The following PCDHA8 variants were observed in gnomAD, a reference collection of about 807,000 sequenced individuals.
PCDHA8 encodes the protein protocadherin alpha 8, also known as protocadherin alpha-8.
A neutral mutation model predicts 61.8 loss-of-function variants in PCDHA8; 53 were observed. The ratio of observed to expected loss-of-function variants is 0.86; its 90% CI spans 0.69 to 1.08. The LOEUF is 1.08. PCDHA8 is among the 50% of genes least tolerant of loss of function. The pLI is 0.00. For synonymous variants in PCDHA8, 618 were observed against 556.6 expected, an observed-to-expected ratio of 1.11 and a Z score of -1.55; for missense variants, 1,293 against 1,245.0, an observed-to-expected ratio of 1.04 and a Z score of -0.58.
chr5:140,883,457 C>A lies in PCDHA8; in HGVS notation c.2394+39742C>A, dbSNP rs142331981. 13 of 1,614,078 alleles carry A rather than the reference C, an allele frequency of 8.1e-6. No individual in the cohort carries two copies. Among genetic ancestry groups the A allele is most frequent in the Non-Finnish European group, 1.1e-5 (13 of 1,180,050 alleles). On this transcript the variant is annotated intron_variant, in intron 1 of 3. Transcript: ENST00000531613. ...CTTGACGCCGCATGTCCCCTTCAAG[C>A]TGGTGTCCACCTACAAGAACTACTA...
At chr5:140,856,326 A>G in intron 1 of PCDHA8, 1 of 1,598,548 alleles carries the variant, frequency 6.3e-7, no homozygotes, top group Non-Finnish European at 8.6e-7. Context: ...GACCGCGAGG[A>G]GCTGTGCGGG....
intron 1 of PCDHA8, among the ~76,000 whole-genome samples, chr5:140,900,358 A>C (rs2067968295): frequency 6.6e-6 from 1 of 151,358 alleles, no homozygotes. Flanking sequence ...GCTCACCGCA[A>C]CCTCTGCCTC....
chr5:140,948,385 T>A (rs909867343), intron 1 of PCDHA8, among the ~76,000 whole-genome samples: 4 of 151,622 alleles, frequency 2.6e-5, no homozygotes, highest in Admixed American at 2.6e-4. Flanking sequence ...TTCCTCTATT[T>A]TCTGAAAGGT....
intron 1 of PCDHA8, among the ~76,000 whole-genome samples, chr5:140,875,128 C>A (rs1554167491): frequency 6.6e-6 from 1 of 152,068 alleles, no homozygotes; most frequent in East Asian, 1.9e-4. Context: ...ATTAACTAAA[C>A]CCGCATTTAT....
chr5:140,875,206 A>G (rs1554167551), intron 1 of PCDHA8: 2 of 644,508 alleles, frequency 3.1e-6, no homozygotes, highest in South Asian at 3.9e-5. Context: ...AAGTGGCTAA[A>G]CCGAAAAGAA....
At chr5:140,883,957 G>T (rs879988838) in intron 1 of PCDHA8, 1 of 1,613,246 alleles carries the variant, frequency 6.2e-7, no homozygotes, top group Non-Finnish European at 8.5e-7. Context: ...ACAACGCTCC[G>T]GCGCTGCTGA....
intron 1 of PCDHA8, among the ~76,000 whole-genome samples, chr5:140,899,769 T>C (rs376898324): frequency 4.6e-4 from 70 of 152,316 alleles, no homozygotes; most frequent in African/African-American, 1.7e-3. Flanking sequence ...CAGTTCCTCC[T>C]TTTACCTCTG....
chr5:140,875,410 A>G (rs1459624657), intron 1 of PCDHA8: 3 of 1,502,000 alleles, frequency 2.0e-6, no homozygotes, highest in African/African-American at 1.4e-5. Flanking sequence ...TGCTCATAAA[A>G]TACCTCAGGC....
At position 140,901,836 on chromosome 5, in the gene PCDHA8, G is replaced by A. The variant is rs183480993; in HGVS notation, c.2394+58121G>A. On this transcript the variant is annotated intron_variant, in intron 1 of 3. Coordinates refer to ENST00000531613, the MANE Select transcript of PCDHA8 (RefSeq NM_018911.3). The stretch of plus-strand genomic sequence containing the variant: ...ATTGATTCTTCCAGTCCATAAACAT[G>A]CAATATCTTTCCATTTTTTTGTGTC... 2.6e-3 allele frequency among the ~76,000 whole-genome samples: 395 copies of A among 152,228 alleles called. 2 individuals carry two copies. The highest frequency in any genetic ancestry group is 9.2e-3 in the African/African-American group (384 of 41,554).
intron 1 of PCDHA8, among the ~76,000 whole-genome samples, chr5:140,934,289 T>C (rs1584800076): frequency 6.6e-6 from 1 of 152,138 alleles, no homozygotes; most frequent in East Asian, 1.9e-4. Flanking sequence ...AGGGCATTCT[T>C]ACTGGTATTT....
intron 1 of PCDHA8, among the ~76,000 whole-genome samples, chr5:140,940,583 G>A (rs1294741133): frequency 6.6e-6 from 1 of 151,990 alleles, no homozygotes; most frequent in East Asian, 1.9e-4. Flanking sequence ...AAAGTGTTGG[G>A]ATTTCAGGCA....
At chr5:140,906,961 T>C (rs143429690) in intron 1 of PCDHA8, among the ~76,000 whole-genome samples, 1 of 152,268 alleles carries the variant, frequency 6.6e-6, no homozygotes, top group African/African-American at 2.4e-5. Flanking sequence ...TTTAATGGAA[T>C]CGTGGTTGTG....
At chr5:140,927,627 T>A (rs145171269) in intron 1 of PCDHA8, 5 of 1,614,062 alleles carry the variant, frequency 3.1e-6, no homozygotes, top group Non-Finnish European at 3.4e-6. Flanking sequence ...TTCCAGAGAC[T>A]GCACCCAATG....
chr5:140,869,136 C>T (rs1554162510), intron 1 of PCDHA8: 5 of 1,613,054 alleles, frequency 3.1e-6, no homozygotes, highest in South Asian at 1.1e-5. Context: ...GATTGGGCAC[C>T]CCACGACTAC....
chr5:140,969,403 G>C, intron 1 of PCDHA8: 1 of 1,579,282 alleles, frequency 6.3e-7, no homozygotes, highest in Non-Finnish European at 8.6e-7. Context: ...CCTGTGATTT[G>C]GCTTTATTGA....
chr5:140,852,648 C>A, intron 1 of PCDHA8: 1 of 958,186 alleles, frequency 1.0e-6, no homozygotes, highest in Non-Finnish European at 1.3e-6. Context: ...TTAAACCTAT[C>A]TATATCTGTC....
At chr5:140,957,029 T>G (rs782472701) in intron 1 of PCDHA8, among the ~76,000 whole-genome samples, 4 of 152,190 alleles carry the variant, frequency 2.6e-5, no homozygotes, top group African/African-American at 4.8e-5. Flanking sequence ...TTTAGATATT[T>G]ATGGGAGTCA....
intron 1 of PCDHA8, chr5:140,968,545 G>C: frequency 6.2e-7 from 1 of 1,614,182 alleles, no homozygotes; most frequent in Non-Finnish European, 8.5e-7. Flanking sequence ...CCTTCGAGAT[G>C]GTGCCTCGAA....
intron 1 of PCDHA8, among the ~76,000 whole-genome samples, chr5:140,926,042 T>A (rs1316278838): frequency 2.0e-5 from 3 of 152,148 alleles, no homozygotes; most frequent in African/African-American, 7.2e-5. Context: ...CGGACACTAT[T>A]CCCCAACCTT....
Sources: gnomAD v4.1 joint callset for allele counts (sites outside exome capture counted in the v4.1 genomes callset) on GRCh38, gnomAD v4.1.1 for gene constraint, MANE v1.5 for transcripts, NCBI Gene and HGNC (gene_info 2026-07-23, HGNC 2026-07-21) for gene names.